Variants in CEMIP observed in about 807,000 individuals in gnomAD.
CEMIP encodes cell migration inducing hyaluronidase 1, also known as cell migration-inducing and hyaluronan-binding protein.
Under a neutral mutation model 156.9 loss-of-function variants are expected in CEMIP, and 105 were observed. The ratio of observed to expected loss-of-function variants is 0.67; its 90% confidence interval spans 0.57 to 0.79. The LOEUF (loss-of-function observed/expected upper bound fraction) is 0.79, where lower values mean the gene tolerates loss of function less well. Among genes scored for constraint, CEMIP ranks in the 30% least tolerant of loss-of-function variants. The pLI, the probability that CEMIP is intolerant of heterozygous loss-of-function variation, is 0.00. For missense variants in CEMIP, 1,457 were observed against 1,769.4 expected (o/e 0.82, Z 3.17); for synonymous variants, 676 against 668.4 (o/e 1.01, Z -0.17).
At chr15:80,921,256 C>T (rs1900460267) in intron 16 of CEMIP, among the ~76,000 whole-genome samples, 155 bp downstream of exon 16, 1 of 151,896 alleles carries the variant, frequency 6.6e-6, no homozygotes, top group Non-Finnish European at 1.5e-5. Flanking sequence ...AAACGACAGA[C>T]TGGGGGTGGT....
At chr15:80,888,133 C>A (rs1286626738) in intron 8 of CEMIP, among the ~76,000 whole-genome samples, 1 of 151,776 alleles carries the variant, frequency 6.6e-6, no homozygotes, top group Non-Finnish European at 1.5e-5. Flanking sequence ...GAGGCCGAGG[C>A]GGGTGGATCA....
chr15:80,890,607 AC>A (rs202077676), intron 10 of CEMIP, among the ~76,000 whole-genome samples: 24 of 150,662 alleles, frequency 1.6e-4, no homozygotes, highest in Middle Eastern at 3.4e-3. Context: ...ACAAAAAAAA[AC>A]CAGGCATTTG....
At position 80,942,286 on chromosome 15, in the gene CEMIP, G is replaced by A. The variant is rs199611805; in HGVS notation, c.3648G>A (p.Glu1216=). 2.5e-6 allele frequency: 4 copies of A among 1,614,180 alleles called. No individual in the cohort carries two copies. The highest frequency in any genetic ancestry group is 2.5e-6 in the Non-Finnish European group (3 of 1,180,014). The change falls in exon 27 of 30, where the codon GAG becomes GAA. Residue 1216 remains glutamate, a synonymous_variant. Coordinates refer to ENST00000394685, the MANE Select transcript of CEMIP (RefSeq NM_001293298.2). Reference sequence around the variant, plus strand: ...ACCATTTCTTGGAGGTGAAGATGGAGAGTTCCAAGCAGCACTTCTTCCACC... The same window carrying A: ...ACCATTTCTTGGAGGTGAAGATGGAAAGTTCCAAGCAGCACTTCTTCCACC... ...TKDHFLEVKM[E]SSKQHFFHLW...
intron 3 of CEMIP, among the ~76,000 whole-genome samples, chr15:80,878,307 T>A (rs1039005638): frequency 3.9e-5 from 6 of 152,238 alleles, no homozygotes; most frequent in Non-Finnish European, 8.8e-5. Context: ...AAAGGTCTAA[T>A]TCTCATGCAG....
intron 7 of CEMIP, among the ~76,000 whole-genome samples, chr15:80,885,210 T>C (rs971561264): frequency 1.3e-5 from 2 of 152,156 alleles, no homozygotes; most frequent in South Asian, 4.1e-4. Context: ...GTTTAGAGAT[T>C]ACGATGCTCC....
intron 1 of CEMIP, among the ~76,000 whole-genome samples, chr15:80,819,574 A>G (rs1596110826): frequency 6.6e-6 from 1 of 152,236 alleles, no homozygotes; most frequent in East Asian, 1.9e-4. Flanking sequence ...ACCAAGACCA[A>G]TGACAGCACA....
chr15:80,883,549 T>C (rs1596156844), intron 6 of CEMIP, among the ~76,000 whole-genome samples: 2 of 152,242 alleles, frequency 1.3e-5, no homozygotes, highest in African/African-American at 4.8e-5. Flanking sequence ...AAATGTTATA[T>C]GACTGCTACT....
rs1596193321 is a variant in CEMIP at position 80,922,060 on chromosome 15, G to C, written c.2125G>C (p.Gly709Arg). Residue 709 changes from glycine to arginine, a missense_variant, in exon 17 of 30, where the codon GGA becomes CGA. Coordinates refer to ENST00000394685, the MANE Select transcript of CEMIP (RefSeq NM_001293298.2). ...CCACGTACCAACGGGCCCCTCCGTG[G>C]GAATGTACTCCCCAGGTTATTCAGA... ...FHHVPTGPSV[G>R]MYSPGYSEHI... 1 of 1,614,218 alleles carries C rather than the reference G, an allele frequency of 6.2e-7. No individual in the cohort carries two copies. Among genetic ancestry groups the C allele is most frequent in the Non-Finnish European group, 8.5e-7 (1 of 1,180,040 alleles).
chr15:80,917,301 AGGC>A (rs1900310343), intron 14 of CEMIP, among the ~76,000 whole-genome samples: 1 of 151,834 alleles, frequency 6.6e-6, no homozygotes, highest in Admixed American at 6.6e-5. Context: ...AGGAGGCAGG[AGGC>A]AGGAGGCAGG....
intron 14 of CEMIP, among the ~76,000 whole-genome samples, chr15:80,918,858 C>CA (rs1596190962): frequency 1.3e-5 from 2 of 152,072 alleles, no homozygotes; most frequent in East Asian, 3.9e-4. Flanking sequence ...GCCCAGGCTA[C>CA]AGGCCCTCTG....
intron 1 of CEMIP, among the ~76,000 whole-genome samples, chr15:80,848,163 C>T (rs560836474): frequency 6.6e-6 from 1 of 152,250 alleles, no homozygotes; most frequent in East Asian, 1.9e-4. Context: ...GAGAGAGACC[C>T]CTGCAGGAGA....
intron 14 of CEMIP, among the ~76,000 whole-genome samples, chr15:80,916,415 A>G (rs998454645): frequency 1.3e-5 from 2 of 152,234 alleles, no homozygotes; most frequent in East Asian, 1.9e-4. Flanking sequence ...GCCGACCATC[A>G]GCAGGAAGGA....
intron 10 of CEMIP, 70 bp from the exon 11 acceptor site, chr15:80,894,920 C>T (rs1369280032): frequency 2.6e-6 from 4 of 1,530,168 alleles, no homozygotes; most frequent in Non-Finnish European, 3.6e-6. Flanking sequence ...ATGTTTAGAA[C>T]ATTAATCAGC....
At chr15:80,922,746 CAG>C (rs1291334036) in intron 17 of CEMIP, among the ~76,000 whole-genome samples, 1 of 152,172 alleles carries the variant, frequency 6.6e-6, no homozygotes, top group Non-Finnish European at 1.5e-5. Flanking sequence ...CACTGGGGGA[CAG>C]AGGGCATACC....
intron 1 of CEMIP, among the ~76,000 whole-genome samples, chr15:80,824,164 A>C (rs1896975468): frequency 6.6e-6 from 1 of 152,124 alleles, no homozygotes; most frequent in Non-Finnish European, 1.5e-5. Flanking sequence ...GGCCCTGGGG[A>C]CGGGTGTTGT....
intron 1 of CEMIP, among the ~76,000 whole-genome samples, chr15:80,857,626 T>G (rs1317117442): frequency 6.6e-6 from 1 of 152,174 alleles, no homozygotes; most frequent in Non-Finnish European, 1.5e-5. Flanking sequence ...CACTGAGGAT[T>G]GCCAGTCAGT....
intron 1 of CEMIP, among the ~76,000 whole-genome samples, chr15:80,823,277 G>A (rs761152575): frequency 3.3e-5 from 5 of 152,118 alleles, no homozygotes; most frequent in South Asian, 4.1e-4. Flanking sequence ...AACACAAGTC[G>A]TTCCGTTGAT....
In CEMIP at chr15:80,920,348, G is replaced by A. The variant is rs749698685; in HGVS notation, c.2003+49G>A. 5 of 1,508,722 alleles carry A rather than the reference G, an allele frequency of 3.3e-6. 1 individual carries two copies. The South Asian group carries it at 4.7e-5, about 14-fold the overall frequency. 93.5% of individuals were successfully genotyped at this position (1,508,722 alleles called of 1,614,324 possible). A position where few individuals can be genotyped will look rare whatever the true frequency, so the allele number is the denominator to read the frequency against. On this transcript the variant is annotated intron_variant, in intron 15 of 29. Coordinates refer to ENST00000394685, the MANE Select transcript of CEMIP (RefSeq NM_001293298.2). ...TGTGCTGGGGGGAAGGGGTGTACAT[G>A]TGTGTGCATGTGTTCACTCAGCTCA...
intron 7 of CEMIP, among the ~76,000 whole-genome samples, chr15:80,884,795 G>A (rs886259260): frequency 6.6e-5 from 10 of 152,238 alleles, no homozygotes; most frequent in Admixed American, 5.9e-4. Context: ...CCTTTGACAT[G>A]ATCTAATATG....
Sources: gnomAD v4.1 joint callset for allele counts (sites outside exome capture counted in the v4.1 genomes callset) on GRCh38, gnomAD v4.1.1 for gene constraint, MANE v1.5 for transcripts, NCBI Gene and HGNC (gene_info 2026-07-23, HGNC 2026-07-21) for gene names.